The following LTBP1 variants were observed in gnomAD, a reference collection of about 807,000 sequenced individuals.
LTBP1 encodes latent-transforming growth factor beta-binding protein 1.
Under a neutral mutation model 207.6 loss-of-function variants are expected in LTBP1, and 129 were observed. The observed-to-expected ratio is 0.62, with a 90% CI of 0.54 to 0.72. The LOEUF (loss-of-function observed/expected upper bound fraction) is 0.72, where lower values mean the gene tolerates loss of function less well. Ranked by LOEUF, LTBP1 falls within the 30% of genes least tolerant of loss-of-function variation. LTBP1 has a pLI of 0.00. For missense variants in LTBP1, 2,281 were observed against 2,217.2 expected (o/e 1.03, Z -0.58); for synonymous variants, 963 against 833.7 (o/e 1.16, Z -2.67).
At chr2:33,352,068 C>T (rs958916867) in intron 26 of LTBP1, among the ~76,000 whole-genome samples, 1 of 152,182 alleles carries the variant, frequency 6.6e-6, no homozygotes, top group African/African-American at 2.4e-5. Context: ...GTAAGCCTCT[C>T]TGGCTGACAG....
intron 2 of LTBP1, among the ~76,000 whole-genome samples, chr2:32,968,686 G>T (rs1238942379): frequency 6.9e-6 from 1 of 145,694 alleles, no homozygotes; most frequent in Non-Finnish European, 1.5e-5. Context: ...CATTGCCCTT[G>T]TTTTTTGTTC....
At chr2:33,397,673 A>G (rs983669248) in intron 33 of LTBP1, among the ~76,000 whole-genome samples, 14 of 92,214 alleles carry the variant, frequency 1.5e-4, no homozygotes, top group African/African-American at 5.9e-4. Flanking sequence ...ACACCCGGCT[A>G]ATTTTTTTTT....
chr2:33,162,832 C>T (rs1050963193), intron 5 of LTBP1, among the ~76,000 whole-genome samples: 6 of 152,084 alleles, frequency 3.9e-5, no homozygotes, highest in Non-Finnish European at 8.8e-5. Context: ...AAAAGACCTG[C>T]CAGATACAGA....
At chr2:33,143,954 A>C (rs2082824258) in intron 5 of LTBP1, among the ~76,000 whole-genome samples, 1 of 151,774 alleles carries the variant, frequency 6.6e-6, no homozygotes, top group African/African-American at 2.4e-5. Context: ...TGATATCCTA[A>C]CCTTCCTTGG....
chr2:32,991,153 A>G (rs1443293704), intron 2 of LTBP1, among the ~76,000 whole-genome samples: 1 of 152,194 alleles, frequency 6.6e-6, no homozygotes, highest in Non-Finnish European at 1.5e-5. Context: ...ACTTTTTGCA[A>G]AAAGTTACGA....
chr2:33,347,131 A>C (rs1396380183), intron 25 of LTBP1, among the ~76,000 whole-genome samples: 3 of 151,996 alleles, frequency 2.0e-5, no homozygotes, highest in East Asian at 3.9e-4. Flanking sequence ...AAAAAAAAAA[A>C]AAAAAAAAAA....
rs142573041 is a variant in LTBP1 at position 33,330,386 on chromosome 2, GA to G, written c.3731-12451del. Among the ~76,000 whole-genome samples the G allele has an allele frequency of 9.3e-3, 1,412 of 151,718 alleles. 18 individuals are homozygous for G. Among genetic ancestry groups the G allele is most frequent in the African/African-American group, 0.033 (1,363 of 41,442 alleles). ...TTTCATGTCTTACTGTACTGTCTAG[GA>G]CCTCTACTGCAATGTTGACTAGAAG... On this transcript the variant is annotated intron_variant, in intron 24 of 33. Coordinates refer to ENST00000404816, the MANE Select transcript of LTBP1 (RefSeq NM_206943.4).
intron 9 of LTBP1, among the ~76,000 whole-genome samples, chr2:33,243,388 C>T (rs1217608703): frequency 6.6e-6 from 1 of 152,120 alleles, no homozygotes; most frequent in Non-Finnish European, 1.5e-5. Context: ...AACACTAAAG[C>T]AAAAGCTCTG....
intron 5 of LTBP1, among the ~76,000 whole-genome samples, chr2:33,165,896 T>A (rs2084873139): frequency 6.6e-6 from 1 of 152,206 alleles, no homozygotes; most frequent in African/African-American, 2.4e-5. Flanking sequence ...ATTTAAAAGC[T>A]GGTAGGTTTC....
intron 3 of LTBP1, among the ~76,000 whole-genome samples, chr2:33,106,460 A>C (rs565871787): frequency 2.6e-5 from 4 of 152,348 alleles, no homozygotes; most frequent in African/African-American, 9.6e-5. Context: ...GGAAGACTTG[A>C]AAGTCAAAAT....
chr2:33,296,396 C>G (rs1005357872), intron 20 of LTBP1, among the ~76,000 whole-genome samples: 1 of 152,014 alleles, frequency 6.6e-6, no homozygotes, highest in African/African-American at 2.4e-5. Context: ...TACTTGGACC[C>G]AAGTACTTGT....
At chr2:33,382,074 CTTTTTTTTTTTTTTTTTTTTT>C (rs70938398) in intron 31 of LTBP1, among the ~76,000 whole-genome samples, 9 of 46,778 alleles carry the variant, frequency 1.9e-4, no homozygotes, top group South Asian at 1.1e-3. Flanking sequence ...CCTACTGCTT[CTTTTTTTTTTTTTTTTTTTTT>C]TTTTTTTTTT....
chr2:33,087,518 TG>T (rs780628623), intron 3 of LTBP1, among the ~76,000 whole-genome samples: 1 of 152,192 alleles, frequency 6.6e-6, no homozygotes, highest in Admixed American at 6.5e-5. Context: ...TGTTTTAAGA[TG>T]GGGGAATTTA....
At position 33,347,360 on chromosome 2, in the gene LTBP1, T is replaced by C. The variant is rs1217560101; in HGVS notation, c.3857-7T>C. 2 of 1,613,956 alleles carry C rather than the reference T, an allele frequency of 1.2e-6. No homozygotes were observed. The highest frequency in any genetic ancestry group is 1.3e-5 in the African/African-American group (1 of 74,908). On this transcript the variant is annotated splice_polypyrimidine_tract_variant and splice_region_variant and intron_variant, in intron 25 of 33. Transcript: ENST00000404816. ...ACATCTCACTTGGTCTGTGCTCCCT[T>C]TTCCAGATGTGAATGAATGTGAACT...
At chr2:33,331,120 G>A (rs1046065116) in intron 24 of LTBP1, among the ~76,000 whole-genome samples, 4 of 151,572 alleles carry the variant, frequency 2.6e-5, no homozygotes, top group Admixed American at 6.6e-5. Context: ...AGTAATTTGT[G>A]CTTATGTTTC....
chr2:33,383,738 T>C (rs1363698624), intron 31 of LTBP1, among the ~76,000 whole-genome samples: 1 of 152,172 alleles, frequency 6.6e-6, no homozygotes, highest in Non-Finnish European at 1.5e-5. Context: ...AGTTTCACCA[T>C]GTTGCCCAGG....
At position 33,113,650 on chromosome 2, in the gene LTBP1, C is replaced by T. The variant is rs77207745; in HGVS notation, c.1033+2899C>T. ...ATTTACCAGTCTTCTTAGTCACTTTCTAGGTAACTTGACATCCTATGTTGG... is the reference window on the plus strand; with the variant it reads ...ATTTACCAGTCTTCTTAGTCACTTTTTAGGTAACTTGACATCCTATGTTGG... On this transcript the variant is annotated intron_variant, in intron 4 of 33. Transcript: ENST00000404816. Among the ~76,000 whole-genome samples, 1,241 of 152,288 alleles carry T rather than the reference C, an allele frequency of 8.1e-3. 12 individuals are homozygous for T. Among genetic ancestry groups the T allele is most frequent in the East Asian group, 0.017 (86 of 5,188 alleles).
chr2:33,308,228 A>G (rs1397754244), intron 22 of LTBP1, among the ~76,000 whole-genome samples: 2 of 152,242 alleles, frequency 1.3e-5, no homozygotes, highest in African/African-American at 2.4e-5. Flanking sequence ...CCCTTGAGAA[A>G]GATCTGCTCG....
intron 20 of LTBP1, among the ~76,000 whole-genome samples, chr2:33,294,284 C>A (rs2093831028): frequency 1.3e-5 from 2 of 152,004 alleles, no homozygotes; most frequent in Non-Finnish European, 2.9e-5. Context: ...GCAACCCCTG[C>A]CTCCTGGGTT....
Sources: gnomAD v4.1 joint callset for allele counts (sites outside exome capture counted in the v4.1 genomes callset) on GRCh38, gnomAD v4.1.1 for gene constraint, MANE v1.5 for transcripts, NCBI Gene and HGNC (gene_info 2026-07-23, HGNC 2026-07-21) for gene names.